The following VAMP5 variants were observed in gnomAD, a reference collection of about 807,000 sequenced individuals.
The protein encoded by VAMP5 is vesicle associated membrane protein 5.
In VAMP5, 10 loss-of-function variants were observed where a neutral mutation model predicts 8.1. The observed-to-expected ratio is 1.23, with a 90% CI of 0.76 to 2.09. VAMP5 has a LOEUF of 2.09. VAMP5 is among the 30% of genes most tolerant of loss of function. The probability of loss-of-function intolerance (pLI) is 0.00; values close to 1 mark genes in which losing one functional copy is unlikely to be tolerated. For synonymous variants in VAMP5, 62 were observed against 60.6 expected (o/e 1.02, Z -0.11); for missense variants, 135 against 152.5 (o/e 0.89, Z 0.60).
chr2:85,586,398 A>G (rs1240680358), intron 1 of VAMP5, among the ~76,000 whole-genome samples: 1 of 152,122 alleles, frequency 6.6e-6, no homozygotes, highest in Non-Finnish European at 1.5e-5. Flanking sequence ...AACATGGTGA[A>G]ATCCCGTCTC....
intron 1 of VAMP5, among the ~76,000 whole-genome samples, chr2:85,589,460 G>A (rs1227034596): frequency 1.3e-5 from 2 of 152,130 alleles, no homozygotes; most frequent in Non-Finnish European, 2.9e-5. Context: ...GATTACAGCT[G>A]GAAGCACAGC....
At chr2:85,588,836 C>T (rs1175306113) in intron 1 of VAMP5, among the ~76,000 whole-genome samples, 12 of 152,074 alleles carry the variant, frequency 7.9e-5, no homozygotes, top group Admixed American at 5.2e-4. Context: ...GTCCCTGCTC[C>T]ATGTCATCCT....
chr2:85,587,723 A>G (rs1254682214), intron 1 of VAMP5, among the ~76,000 whole-genome samples: 1 of 152,186 alleles, frequency 6.6e-6, no homozygotes, highest in Non-Finnish European at 1.5e-5. Flanking sequence ...CATTATTATC[A>G]GCACTTTACA....
rs202148458 is a variant in VAMP5, at chr2:85,593,015, G to A, written c.209G>A (p.Arg70Gln). 7.9e-5 allele frequency: 128 copies of A among 1,614,144 alleles called. No individual in the cohort carries two copies. The highest frequency in any genetic ancestry group is 1.7e-4 in the Middle Eastern group (1 of 6,056). ...QKKCWENIRY[R>Q]ICVGLVVVGV... ...AAGTGCTGGGAGAACATCCGTTACCGGATCTGCGTGGGGCTGGTGGTGGTT... is the reference window on the plus strand; with the variant it reads ...AAGTGCTGGGAGAACATCCGTTACCAGATCTGCGTGGGGCTGGTGGTGGTT... Residue 70 changes from arginine to glutamine, a missense_variant, in exon 3 of 3, where the codon CGG becomes CAG. By Grantham distance (43) the Arg-to-Gln change is conservative (BLOSUM62 1). Transcript: ENST00000306384.
At chr2:85,587,175 T>G (rs1672473767) in intron 1 of VAMP5, among the ~76,000 whole-genome samples, 1 of 152,152 alleles carries the variant, frequency 6.6e-6, no homozygotes. Context: ...ATGTGTACTA[T>G]GTGTACAAGT....
intron 2 of VAMP5, 120 bp downstream of exon 2, chr2:85,591,982 G>T (rs1672546447): frequency 6.9e-7 from 1 of 1,456,896 alleles, no homozygotes; most frequent in Non-Finnish European, 9.3e-7. Flanking sequence ...CCAGTGTGGG[G>T]CCTCTGGGTT....
chr2:85,591,887 G>A, intron 2 of VAMP5, 25 bp downstream of exon 2: 2 of 1,613,800 alleles, frequency 1.2e-6, no homozygotes, highest in Non-Finnish European at 1.7e-6. Context: ...GGAGCATGGA[G>A]GGGAGGGGAG....
chr2:85,592,835 T>TG (rs1672564381), intron 2 of VAMP5, 113 bp from the exon 3 acceptor site: 1 of 891,244 alleles, frequency 1.1e-6, no homozygotes, highest in South Asian at 1.4e-5. Flanking sequence ...GTAGACAAGA[T>TG]GGGGAGGATG....
At chr2:85,587,643 G>T (rs1409075811) in intron 1 of VAMP5, among the ~76,000 whole-genome samples, 1 of 151,468 alleles carries the variant, frequency 6.6e-6, no homozygotes, top group African/African-American at 2.4e-5. Context: ...CTTATTTATT[G>T]AGCATTTAGT....
intron 1 of VAMP5, among the ~76,000 whole-genome samples, chr2:85,589,743 C>T (rs1019249910): frequency 1.3e-5 from 2 of 150,980 alleles, no homozygotes; most frequent in Non-Finnish European, 3.0e-5. Context: ...CTGCAACCTC[C>T]GCCACCCAGG....
At chr2:85,587,031 C>T (rs1039688126) in intron 1 of VAMP5, among the ~76,000 whole-genome samples, 4 of 151,274 alleles carry the variant, frequency 2.6e-5, no homozygotes, top group East Asian at 2.0e-4. Flanking sequence ...GTGGAGATCA[C>T]GCCACTGCAC....
In VAMP5 at chr2:85,591,868, A is replaced by T; in HGVS notation, c.141+6A>T. ...CAGACCAACTCCTGGATATGGTGTGAGGCCTGGGGGAGCATGGAGGGGAGG... is the reference window on the plus strand; with the variant it reads ...CAGACCAACTCCTGGATATGGTGTGTGGCCTGGGGGAGCATGGAGGGGAGG... On this transcript the variant is annotated splice_donor_region_variant and intron_variant, in intron 2 of 2. Coordinates refer to ENST00000306384, the MANE Select transcript of VAMP5 (RefSeq NM_006634.3). 6.2e-7 allele frequency: 1 copy of T among 1,614,056 alleles called. No homozygotes were observed. The highest frequency in any genetic ancestry group is 8.5e-7 in the Non-Finnish European group (1 of 1,179,998).
intron 1 of VAMP5, among the ~76,000 whole-genome samples, chr2:85,585,928 A>G (rs1672453837): frequency 6.6e-6 from 1 of 152,196 alleles, no homozygotes. Context: ...CCTTCATGCC[A>G]GCATGGTGAC....
At chr2:85,589,816 C>T (rs972644341) in intron 1 of VAMP5, among the ~76,000 whole-genome samples, 3 of 152,020 alleles carry the variant, frequency 2.0e-5, no homozygotes, top group African/African-American at 7.2e-5. Flanking sequence ...CACCACCATG[C>T]CTGGCTAATT....
chr2:85,591,913 T>A (rs747031271), intron 2 of VAMP5, 51 bp downstream of exon 2: 5 of 1,607,178 alleles, frequency 3.1e-6, no homozygotes, highest in Non-Finnish European at 2.6e-6. Flanking sequence ...TGGGAAAGTC[T>A]CTCTTGGGCT....
At chr2:85,589,407 G>T (rs558950091) in intron 1 of VAMP5, among the ~76,000 whole-genome samples, 2 of 152,278 alleles carry the variant, frequency 1.3e-5, no homozygotes, top group East Asian at 3.9e-4. Context: ...GGTCCATCTT[G>T]GCTCCAGGCA....
At position 85,588,833 on chromosome 2, in the gene VAMP5, C is replaced by A. The variant is rs550449187; in HGVS notation, c.4-2892C>A. On this transcript the variant is annotated intron_variant, in intron 1 of 2. Coordinates refer to ENST00000306384, the MANE Select transcript of VAMP5 (RefSeq NM_006634.3). ...ATCTCTCAGTGCAAGAATGTCCCTGCTCCATGTCATCCTTCAAGGGGTCAC... is the reference window on the plus strand; with the variant it reads ...ATCTCTCAGTGCAAGAATGTCCCTGATCCATGTCATCCTTCAAGGGGTCAC... 3.8e-4 allele frequency among the ~76,000 whole-genome samples: 58 copies of A among 152,232 alleles called. No homozygotes were observed. In the South Asian group the frequency reaches 0.012, roughly 31 times the overall value.
At chr2:85,586,710 C>G (rs1672465135) in intron 1 of VAMP5, among the ~76,000 whole-genome samples, 1 of 152,052 alleles carries the variant, frequency 6.6e-6, no homozygotes, top group Non-Finnish European at 1.5e-5. Context: ...AGTATGTGCC[C>G]ATTGGATGGT....
At chr2:85,588,275 A>G (rs573259014) in intron 1 of VAMP5, among the ~76,000 whole-genome samples, 4 of 152,280 alleles carry the variant, frequency 2.6e-5, no homozygotes, top group Admixed American at 1.3e-4. Flanking sequence ...CTGCGTTTTC[A>G]TAGGAGGAAT....
Sources: gnomAD v4.1 joint callset for allele counts (sites outside exome capture counted in the v4.1 genomes callset) on GRCh38, gnomAD v4.1.1 for gene constraint, MANE v1.5 for transcripts, NCBI Gene and HGNC (gene_info 2026-07-23, HGNC 2026-07-21) for gene names.